RPRD2: variants seen among roughly 807,000 people sequenced by gnomAD.
RPRD2 encodes the protein regulation of nuclear pre-mRNA domain containing 2.
A neutral mutation model predicts 104.4 loss-of-function variants in RPRD2; 12 were observed. The ratio of observed to expected loss-of-function variants is 0.11; its 90% CI spans 0.07 to 0.19. The LOEUF is 0.19. RPRD2 is among the 10% of genes least tolerant of loss of function. RPRD2 has a pLI of 1.00. For synonymous variants in RPRD2, 714 were observed against 684.9 expected (o/e 1.04, Z -0.66); for missense variants, 1,543 against 1,790.1 (o/e 0.86, Z 2.49).
At chr1:150,420,590 C>G (rs985758674) in intron 2 of RPRD2, among the ~76,000 whole-genome samples, 2 of 152,174 alleles carry the variant, frequency 1.3e-5, no homozygotes, top group Non-Finnish European at 2.9e-5. Context: ...CTTTGGGAGG[C>G]CGAGGCAGGC....
chr1:150,368,347 C>T (rs1326114357), intron 1 of RPRD2, among the ~76,000 whole-genome samples: 4 of 150,688 alleles, frequency 2.7e-5, no homozygotes, highest in African/African-American at 2.4e-5. Context: ...GTCTGGAGTG[C>T]GGTGGCGTGA....
At chr1:150,409,359 A>G (rs36029278) in intron 1 of RPRD2, among the ~76,000 whole-genome samples, 33,791 of 151,992 alleles carry the variant, frequency 0.22, 4,284 homozygotes, top group African/African-American at 0.32. Flanking sequence ...AACTGAATAG[A>G]GGACTACTCT....
At chr1:150,444,148 G>GT (rs1553895083) in intron 5 of RPRD2, 103 bp from the exon 6 acceptor site, 1 of 1,171,348 alleles carries the variant, frequency 8.5e-7, no homozygotes, top group Non-Finnish European at 1.2e-6. Context: ...GCTTTAGGGT[G>GT]TTTGTTTTGT....
intron 6 of RPRD2, among the ~76,000 whole-genome samples, chr1:150,445,067 G>A (rs1423402889): frequency 6.6e-6 from 1 of 152,128 alleles, no homozygotes; most frequent in Non-Finnish European, 1.5e-5. Flanking sequence ...CACACCTGTA[G>A]TCCTAGCTGC....
At chr1:150,437,221 C>T (rs1394207124) in intron 2 of RPRD2, among the ~76,000 whole-genome samples, 1 of 152,072 alleles carries the variant, frequency 6.6e-6, no homozygotes, top group Non-Finnish European at 1.5e-5. Context: ...TAAGGCCAGG[C>T]ATGGTGGCTT....
At chr1:150,459,657 A>G (rs1409365671) in intron 8 of RPRD2, among the ~76,000 whole-genome samples, 2 of 151,528 alleles carry the variant, frequency 1.3e-5, no homozygotes, top group Non-Finnish European at 2.9e-5. Flanking sequence ...CAGTGGCACA[A>G]TCTCGGCTCA....
intron 7 of RPRD2, among the ~76,000 whole-genome samples, chr1:150,453,078 G>T (rs1196547960): frequency 5.3e-5 from 8 of 150,704 alleles, no homozygotes; most frequent in African/African-American, 1.2e-4. Flanking sequence ...TGTTGCCCAG[G>T]CTGGAGCGCG....
intron 2 of RPRD2, among the ~76,000 whole-genome samples, chr1:150,419,010 TCAAAA>T (rs1447750108): frequency 1.3e-5 from 2 of 152,178 alleles, no homozygotes; most frequent in Admixed American, 6.5e-5. Flanking sequence ...AAACTCCGTC[TCAAAA>T]CAAAACAAAA....
intron 2 of RPRD2, among the ~76,000 whole-genome samples, chr1:150,434,097 G>A (rs1272473638): frequency 3.3e-5 from 5 of 152,194 alleles, no homozygotes; most frequent in African/African-American, 1.2e-4. Flanking sequence ...GCTCATGCCT[G>A]TAATCCCAGC....
intron 1 of RPRD2, among the ~76,000 whole-genome samples, chr1:150,386,671 C>T (rs1250109084): frequency 6.6e-6 from 1 of 152,032 alleles, no homozygotes; most frequent in East Asian, 1.9e-4. Flanking sequence ...TTAAGGTTTA[C>T]AATATTGCAC....
chr1:150,409,850 G>C (rs148687353), intron 1 of RPRD2, among the ~76,000 whole-genome samples: 2,449 of 152,058 alleles, frequency 0.016, 54 homozygotes, highest in African/African-American at 0.055. Flanking sequence ...TCACCATGTT[G>C]GTCAAGCTGG....
intron 1 of RPRD2, among the ~76,000 whole-genome samples, chr1:150,385,912 T>G (rs1207502984): frequency 1.3e-5 from 2 of 152,128 alleles, no homozygotes; most frequent in Non-Finnish European, 2.9e-5. Flanking sequence ...CTCAATCTTT[T>G]AAGTAGGTGG....
intron 1 of RPRD2, among the ~76,000 whole-genome samples, chr1:150,373,532 A>ATTTTTT (rs1572342696): frequency 8.9e-5 from 4 of 44,940 alleles, no homozygotes; most frequent in Non-Finnish European, 1.7e-4. Context: ...ATCAAGAATG[A>ATTTTTT]CTTTTTTTTT....
At chr1:150,374,860 C>T (rs1273066428) in intron 1 of RPRD2, among the ~76,000 whole-genome samples, 2 of 152,120 alleles carry the variant, frequency 1.3e-5, no homozygotes, top group East Asian at 1.9e-4. Context: ...TTTGTCTCAG[C>T]CCCCCAAAGA....
At chr1:150,435,132 A>T (rs1293627237) in intron 2 of RPRD2, among the ~76,000 whole-genome samples, 1 of 152,188 alleles carries the variant, frequency 6.6e-6, no homozygotes, top group African/African-American at 2.4e-5. Context: ...TGTTACTATT[A>T]TAATTGTTTT....
chr1:150,431,934 A>G (rs1553891887), intron 2 of RPRD2, among the ~76,000 whole-genome samples: 1 of 152,176 alleles, frequency 6.6e-6, no homozygotes, highest in Non-Finnish European at 1.5e-5. Context: ...AGGAAGTAGA[A>G]TCATGGTTGC....
At chr1:150,450,940 T>C (rs1200890887) in intron 7 of RPRD2, among the ~76,000 whole-genome samples, 1 of 152,098 alleles carries the variant, frequency 6.6e-6, no homozygotes, top group African/African-American at 2.4e-5. Context: ...GGAAATTAAT[T>C]GATACTTTGA....
intron 1 of RPRD2, among the ~76,000 whole-genome samples, chr1:150,384,723 T>C (rs1304729654): frequency 6.6e-6 from 1 of 150,720 alleles, no homozygotes; most frequent in Admixed American, 6.6e-5. Context: ...GCCAAGCTGG[T>C]CTTGAACTCC....
rs947154141 is a variant in RPRD2 at position 150,437,888 on chromosome 1, A to T, written c.336-3035A>T. Among the ~76,000 whole-genome samples, 3 of 151,204 alleles carry T rather than the reference A, an allele frequency of 2.0e-5. 1 individual carries two copies. The South Asian group carries it at 6.3e-4, about 32-fold the overall frequency. On this transcript the variant is annotated intron_variant, in intron 2 of 10. Transcript: ENST00000369068. ...AGCCACCGTGCCCAGCCTAAACTTT[A>T]CAATTTTCTAGAGGTTTATTAACCA...
Sources: allele counts gnomAD v4.1 joint callset (sites outside exome capture counted in the v4.1 genomes callset), GRCh38; gene constraint gnomAD v4.1.1; transcripts MANE v1.5; gene names NCBI Gene and HGNC (gene_info 2026-07-23, HGNC 2026-07-21).